Variants in KCNK9 observed in about 807,000 individuals in gnomAD.
KCNK9 encodes potassium two pore domain channel subfamily K member 9.
KCNK9 carries 1 observed loss-of-function variant against 10.8 expected under a neutral mutation model. The ratio of observed to expected loss-of-function variants is 0.09; its 90% CI spans 0.03 to 0.44. The LOEUF (loss-of-function observed/expected upper bound fraction) is 0.44, where lower values mean the gene tolerates loss of function less well. Among genes scored for constraint, KCNK9 ranks in the 20% least tolerant of loss-of-function variants. The pLI is 0.97. For missense variants in KCNK9, 303 were observed against 515.0 expected, an observed-to-expected ratio of 0.59 and a Z score of 3.98; for synonymous variants, 231 against 222.7, an observed-to-expected ratio of 1.04 and a Z score of -0.33.
chr8:139,627,061 A>G (rs778793420), intron 1 of KCNK9, among the ~76,000 whole-genome samples: 1 of 152,248 alleles, frequency 6.6e-6, no homozygotes, highest in Non-Finnish European at 1.5e-5. Context: ...GGCAGGAATC[A>G]GTGGGTCCCA....
intron 1 of KCNK9, among the ~76,000 whole-genome samples, chr8:139,663,682 T>TGTGTGTG (rs1554624294): frequency 6.2e-5 from 9 of 145,844 alleles, no homozygotes; most frequent in South Asian, 4.5e-4. Flanking sequence ...TGTGTGTGTG[T>TGTGTGTG]TAGAGAGAGA....
downstream of KCNK9, chr8:139,612,155 C>T (rs1441546248): frequency 6.6e-6 from 1 of 152,282 alleles, no homozygotes; most frequent in Non-Finnish European, 1.5e-5. Context: ...ACGGGGAGAC[C>T]TTCCAGGTAG....
At chr8:139,630,080 G>A (rs1488363999) in intron 1 of KCNK9, among the ~76,000 whole-genome samples, 1 of 151,978 alleles carries the variant, frequency 6.6e-6, no homozygotes, top group Non-Finnish European at 1.5e-5. Flanking sequence ...CGTGGGGGGC[G>A]GCGCGAAAGG....
chr8:139,663,956 A>G (rs1816233571), intron 1 of KCNK9, among the ~76,000 whole-genome samples: 1 of 152,194 alleles, frequency 6.6e-6, no homozygotes, highest in Admixed American at 6.5e-5. Context: ...GCGAAATAAC[A>G]CATCGGGGCC....
At chr8:139,639,343 C>T (rs1026523675) in intron 1 of KCNK9, among the ~76,000 whole-genome samples, 16 of 152,208 alleles carry the variant, frequency 1.1e-4, no homozygotes, top group Admixed American at 5.9e-4. Context: ...CAAGTAGTGA[C>T]GCCAAGATGT....
intron 2 of KCNK9, among the ~76,000 whole-genome samples, chr8:139,603,113 G>C (rs191825071): frequency 6.6e-6 from 1 of 152,282 alleles, no homozygotes. Flanking sequence ...ACATGATGGA[G>C]GAACAAACCA....
intron 1 of KCNK9, among the ~76,000 whole-genome samples, chr8:139,648,952 GC>G (rs1815772629): frequency 6.6e-6 from 1 of 152,194 alleles, no homozygotes. Context: ...GGGGAAGAAA[GC>G]CACTGGACGC....
intron 1 of KCNK9, among the ~76,000 whole-genome samples, chr8:139,644,959 C>T (rs550505324): frequency 1.8e-4 from 27 of 152,348 alleles, no homozygotes; most frequent in African/African-American, 6.5e-4. Context: ...TGCAGACAGA[C>T]ATGGGCTAGC....
At chr8:139,642,335 T>C (rs1815528440) in intron 1 of KCNK9, among the ~76,000 whole-genome samples, 1 of 152,142 alleles carries the variant, frequency 6.6e-6, no homozygotes, top group Admixed American at 6.6e-5. Context: ...AAGACGATTC[T>C]ACCCCTACAG....
intron 2 of KCNK9, among the ~76,000 whole-genome samples, chr8:139,605,704 T>A (rs1277766448): frequency 1.3e-5 from 2 of 152,212 alleles, no homozygotes; most frequent in Non-Finnish European, 2.9e-5. Context: ...ATTAAATGAT[T>A]TTTTTTCTGT....
intron 1 of KCNK9, among the ~76,000 whole-genome samples, chr8:139,662,101 C>T (rs532236010): frequency 2.6e-5 from 4 of 152,314 alleles, no homozygotes; most frequent in South Asian, 2.1e-4. Flanking sequence ...TGACTGTGGT[C>T]AGGGGCCCAC....
chr8:139,607,688 A>C (rs1449371941), downstream of KCNK9, among the ~76,000 whole-genome samples: 5 of 152,168 alleles, frequency 3.3e-5, no homozygotes, highest in African/African-American at 1.2e-4. Flanking sequence ...CTACAGAACT[A>C]ATCTACCTGA....
At chr8:139,655,878 G>A (rs1816008174) in intron 1 of KCNK9, among the ~76,000 whole-genome samples, 1 of 152,198 alleles carries the variant, frequency 6.6e-6, no homozygotes, top group South Asian at 2.1e-4. Flanking sequence ...GGGGGAGACA[G>A]AGCGATGCTG....
rs556427742 is a variant in KCNK9 at position 139,680,047 on chromosome 8, C to G, written c.283+22663G>C. Among the ~76,000 whole-genome samples the G allele has an allele frequency of 4.6e-5, 7 of 152,306 alleles. No homozygotes were observed. The South Asian group carries it at 1.5e-3, about 32-fold the overall frequency. ...GGTCTGGGGACCATGGCTCCCACCCCGACCAGGTCTCTTCCCTTGCGCCAC... is the reference window on the plus strand; with the variant it reads ...GGTCTGGGGACCATGGCTCCCACCCGGACCAGGTCTCTTCCCTTGCGCCAC... On this transcript the variant is annotated intron_variant, in intron 1 of 1. Transcript: ENST00000520439.
intron 1 of KCNK9, among the ~76,000 whole-genome samples, chr8:139,634,565 G>A (rs997789714): frequency 6.6e-6 from 1 of 152,158 alleles, no homozygotes; most frequent in African/African-American, 2.4e-5. Flanking sequence ...GATTCTCCAT[G>A]AGGGCAGGGC....
chr8:139,676,978 GACAAA>G (rs1816564106), intron 1 of KCNK9, among the ~76,000 whole-genome samples: 1 of 152,044 alleles, frequency 6.6e-6, no homozygotes, highest in South Asian at 2.1e-4. Flanking sequence ...CAAACAGACA[GACAAA>G]ACAAAACAAA....
intron 1 of KCNK9, among the ~76,000 whole-genome samples, chr8:139,627,153 C>A (rs1815003655): frequency 6.6e-6 from 1 of 152,208 alleles, no homozygotes; most frequent in Non-Finnish European, 1.5e-5. Context: ...ACCTTCCCTT[C>A]TGGCAAGGGC....
intron 1 of KCNK9, among the ~76,000 whole-genome samples, chr8:139,644,195 A>C (rs1262658676): frequency 1.3e-5 from 2 of 152,178 alleles, no homozygotes; most frequent in East Asian, 1.9e-4. Flanking sequence ...CAGTGTCCGC[A>C]GCTTGTAGGA....
chr8:139,698,540 G>T (rs1486605050), intron 1 of KCNK9, among the ~76,000 whole-genome samples: 1 of 152,230 alleles, frequency 6.6e-6, no homozygotes, highest in Non-Finnish European at 1.5e-5. Context: ...GCTAAGCAGG[G>T]TGGCAGGGAA....
Sources: allele counts gnomAD v4.1 joint callset (sites outside exome capture counted in the v4.1 genomes callset), GRCh38; gene constraint gnomAD v4.1.1; transcripts MANE v1.5; gene names NCBI Gene and HGNC (gene_info 2026-07-23, HGNC 2026-07-21).